Variants in DUSP10 observed in about 807,000 individuals in gnomAD.
DUSP10 encodes the protein dual specificity phosphatase 10.
Under a neutral mutation model 30.8 loss-of-function variants are expected in DUSP10, and 14 were observed. The ratio of observed to expected loss-of-function variants is 0.46; its 90% confidence interval spans 0.30 to 0.71. The LOEUF (loss-of-function observed/expected upper bound fraction) is 0.71, where lower values mean the gene tolerates loss of function less well. Ranked by LOEUF, DUSP10 falls within the 30% of genes least tolerant of loss-of-function variation. The probability of loss-of-function intolerance (pLI) is 0.08; values close to 1 mark genes in which losing one functional copy is unlikely to be tolerated. For synonymous variants in DUSP10, 254 were observed against 250.4 expected, an observed-to-expected ratio of 1.01 and a Z score of -0.14; for missense variants, 550 against 619.4, an observed-to-expected ratio of 0.89 and a Z score of 1.19.
intron 2 of DUSP10, among the ~76,000 whole-genome samples, chr1:221,714,387 G>C (rs905386809): frequency 6.6e-6 from 1 of 152,178 alleles, no homozygotes; most frequent in Non-Finnish European, 1.5e-5. Context: ...CTGAGAGCTC[G>C]CACGTGTGGA....
At chr1:221,737,069 T>C (rs66522549) in intron 2 of DUSP10, 148,457 of 985,146 alleles carry the variant, frequency 0.15, 12,643 homozygotes, top group African/African-American at 0.35. Flanking sequence ...CTTTCACAAG[T>C]AGCACCCAGG....
In DUSP10 at chr1:221,702,933, C is replaced by T. The variant is rs1660649405; in HGVS notation, c.1184-256G>A. ...AAGAGAAGATTAAATGAAAGAATTG[C>T]TCATAGGAACAGTTTGCTGCACAGG... is the stretch of plus-strand genomic sequence containing the variant. On this transcript the variant is annotated intron_variant, in intron 3 of 3. Coordinates refer to ENST00000366899, the MANE Select transcript of DUSP10 (RefSeq NM_007207.6). This position sits in a 1 kb window ranked among gnomAD's most constrained non-coding sequence, Gnocchi z 4.5. Among the ~76,000 whole-genome samples the T allele has an allele frequency of 6.6e-6, 1 of 152,140 alleles. No individual in the cohort carries two copies.
At chr1:221,714,632 C>T (rs1661041654) in intron 2 of DUSP10, among the ~76,000 whole-genome samples, 1 of 152,226 alleles carries the variant, frequency 6.6e-6, no homozygotes, top group Non-Finnish European at 1.5e-5. Context: ...ACTGCCTCCT[C>T]AAGCCAGACT....
At chr1:221,733,449 A>G (rs1431160447) in intron 2 of DUSP10, among the ~76,000 whole-genome samples, 1 of 152,196 alleles carries the variant, frequency 6.6e-6, no homozygotes, top group Non-Finnish European at 1.5e-5. Context: ...TGTCCATGAC[A>G]AGCTGGATGA....
intron 2 of DUSP10, among the ~76,000 whole-genome samples, chr1:221,716,108 G>C (rs1661097770): frequency 1.3e-5 from 2 of 151,536 alleles, no homozygotes; most frequent in Admixed American, 1.3e-4. Context: ...ATCAGCAGTA[G>C]ATGGGAAGAA....
chr1:221,741,876 TACACACACACAAAC>T (rs1035735848), intron 1 of DUSP10, 91 bp downstream of exon 1: 1 of 152,138 alleles, frequency 6.6e-6, no homozygotes, highest in Admixed American at 6.6e-5. Context: ...CACACACAGA[TACACACACACAAAC>T]ACACACACTC....
chr1:221,703,109 A>AG (rs1272718615), intron 3 of DUSP10, among the ~76,000 whole-genome samples: 1 of 152,168 alleles, frequency 6.6e-6, no homozygotes, highest in Non-Finnish European at 1.5e-5. Context: ...AGAAAAAAAA[A>AG]GAATGAAGGA....
Position 221,706,038 on chromosome 1 carries a change from A to T in DUSP10, c.1183+57T>A, listed in dbSNP as rs1000747452. On this transcript the variant is annotated intron_variant, in intron 3 of 3. Coordinates refer to ENST00000366899, the MANE Select transcript of DUSP10 (RefSeq NM_007207.6). The surrounding 1 kb of genome is among the most constrained non-coding windows in gnomAD (Gnocchi z 4.6). ...TAAACCTTGAACTTGATATCAAAGC[A>T]AGAGCTGGAGGGAAAAGGAAGGCAG... is the stretch of plus-strand genomic sequence containing the variant. The T allele has an allele frequency of 6.4e-7, 1 of 1,563,028 alleles. No homozygotes were observed. The highest frequency in any genetic ancestry group is 8.7e-7 in the Non-Finnish European group (1 of 1,154,566).
At chr1:221,731,463 G>T (rs1197405540) in intron 2 of DUSP10, among the ~76,000 whole-genome samples, 1 of 151,956 alleles carries the variant, frequency 6.6e-6, no homozygotes, top group Non-Finnish European at 1.5e-5. Context: ...AGACTTGTCA[G>T]CCCTGAGCTT....
intron 2 of DUSP10, chr1:221,737,411 A>G: frequency 1.0e-6 from 1 of 985,386 alleles, no homozygotes; most frequent in Non-Finnish European, 1.2e-6. Flanking sequence ...TTATGGTAAG[A>G]CAATAGCAGG....
At chr1:221,716,188 T>C (rs1388916954) in intron 2 of DUSP10, among the ~76,000 whole-genome samples, 2 of 152,356 alleles carry the variant, frequency 1.3e-5, no homozygotes, top group Non-Finnish European at 2.9e-5. Flanking sequence ...CACAGAATAT[T>C]TGTTAGACCT....
At chr1:221,728,210 C>G (rs1280288585) in intron 2 of DUSP10, among the ~76,000 whole-genome samples, 1 of 152,238 alleles carries the variant, frequency 6.6e-6, no homozygotes, top group Admixed American at 6.5e-5. Flanking sequence ...GCCAAATAAC[C>G]TATGGTTCTT....
Position 221,702,570 on chromosome 1 carries a change from T to C in DUSP10, c.1291A>G (p.Met431Val). The change falls in exon 4 of 4, where the codon ATG becomes GTG. Residue 431 changes from methionine (M) to valine (V), a missense_variant. Coordinates refer to ENST00000366899, the MANE Select transcript of DUSP10 (RefSeq NM_007207.6). The surrounding 1 kb of genome is among the most constrained non-coding windows in gnomAD (Gnocchi z 4.5). ...TTGACAAATTTATAAGCATCAGTCA[T>C]GGTCATCCGAGTGTGCTTCATCAAG... Reference protein sequence around the residue: ...AYLMKHTRMTMTDAYKFVKGK... With the variant: ...AYLMKHTRMTVTDAYKFVKGK... 1.2e-6 allele frequency: 2 copies of C among 1,614,162 alleles called. No individual in the cohort carries two copies. The highest frequency in any genetic ancestry group is 1.7e-6 in the Non-Finnish European group (2 of 1,180,020).
intron 2 of DUSP10, among the ~76,000 whole-genome samples, chr1:221,708,163 AGACAGAT>A (rs1660822784): frequency 6.6e-6 from 1 of 152,232 alleles, no homozygotes; most frequent in Non-Finnish European, 1.5e-5. Flanking sequence ...CTACCCTCAA[AGACAGAT>A]GGCTTGTGGC....
chr1:221,731,611 T>C (rs930374926), intron 2 of DUSP10, among the ~76,000 whole-genome samples: 2 of 123,998 alleles, frequency 1.6e-5, no homozygotes, highest in Non-Finnish European at 3.3e-5. Flanking sequence ...TTTTTTTTTT[T>C]TTTTTTTTTT....
At position 221,706,196 on chromosome 1, in the gene DUSP10, T is replaced by C; in HGVS notation, c.1082A>G (p.Tyr361Cys). The C allele has an allele frequency of 1.9e-6, 3 of 1,613,896 alleles. No homozygotes were observed. Among genetic ancestry groups the C allele is most frequent in the Non-Finnish European group, 1.7e-6 (2 of 1,179,942 alleles). ...VINVTTHLPLYHYEKGLFNYK... is the reference protein window; with the variant it reads ...VINVTTHLPLCHYEKGLFNYK... ...GTTGAACAGGCCTTTCTCATAGTGGTAGAGGGGAAGATGAGTGGTGACGTT... is the reference window on the plus strand; with the variant it reads ...GTTGAACAGGCCTTTCTCATAGTGGCAGAGGGGAAGATGAGTGGTGACGTT... Residue 361 changes from tyrosine (Y) to cysteine (C), a missense_variant, in exon 3 of 4, where the codon TAC becomes TGC. Physicochemically the swap from Tyr to Cys is radical, Grantham distance 194. Transcript: ENST00000366899. The surrounding 1 kb of genome is among the most constrained non-coding windows in gnomAD (Gnocchi z 4.6).
At position 221,706,381 on chromosome 1, in the gene DUSP10, G is replaced by A. The variant is rs755448966; in HGVS notation, c.897C>T (p.Gly299=). Residue 299 remains glycine, a synonymous_variant, in exon 3 of 4, where the codon GGC becomes GGT. Coordinates refer to ENST00000366899, the MANE Select transcript of DUSP10 (RefSeq NM_007207.6). This position sits in a 1 kb window ranked among gnomAD's most constrained non-coding sequence, Gnocchi z 4.6. ...QLQECREVGG[G]ASAASSLLPQ... ...GTAGCAAGCTCGAGGCCGCGGATGC[G>A]CCGCCCCCCACCTCCCGGCACTCTT... 32 of 1,587,098 alleles carry A rather than the reference G, an allele frequency of 2.0e-5. No individual in the cohort carries two copies. The highest frequency in any genetic ancestry group is 8.6e-5 in the Admixed American group (5 of 58,202).
In DUSP10 at chr1:221,739,704, A is replaced by T. The variant is rs1188971906; in HGVS notation, c.41T>A (p.Leu14Gln). 1.9e-6 allele frequency: 3 copies of T among 1,612,016 alleles called. No individual in the cohort carries two copies. In the South Asian group the frequency reaches 3.3e-5, roughly 18 times the overall value. The change falls in exon 2 of 4, where the codon CTA becomes CAA. Residue 14 changes from leucine to glutamine, a missense_variant. Transcript: ENST00000366899. ...SPLDDRVVVA[L>Q]SRPVRPQDLN... is the part of the protein sequence containing the mutation. ...ATCCTGAGGTCGGACGGGCCTAGAT[A>T]GTGCCACTACTACCCTGTCGTCTAA...
intron 2 of DUSP10, among the ~76,000 whole-genome samples, chr1:221,730,114 C>T (rs1204598902): frequency 6.6e-6 from 1 of 151,928 alleles, no homozygotes; most frequent in African/African-American, 2.4e-5. Flanking sequence ...TTTTGCTTCT[C>T]TCTTGCCAGT....
Sources: allele counts gnomAD v4.1 joint callset (sites outside exome capture counted in the v4.1 genomes callset), GRCh38; gene constraint gnomAD v4.1.1; non-coding constraint Gnocchi (gnomAD v3.1); transcripts MANE v1.5; gene names NCBI Gene and HGNC (gene_info 2026-07-23, HGNC 2026-07-21).